STXBP5L: variants seen among roughly 807,000 people sequenced by gnomAD.
STXBP5L encodes syntaxin-binding protein 5-like.
In STXBP5L, 65 loss-of-function variants were observed where a neutral mutation model predicts 144.5. The ratio of observed to expected loss-of-function variants is 0.45; its 90% confidence interval spans 0.37 to 0.55. The LOEUF is 0.55. Ranked by LOEUF, STXBP5L falls within the 20% of genes least tolerant of loss-of-function variation. STXBP5L has a pLI of 0.00. For missense variants in STXBP5L, 1,298 were observed against 1,405.5 expected, an observed-to-expected ratio of 0.92 and a Z score of 1.22; for synonymous variants, 505 against 469.6, an observed-to-expected ratio of 1.08 and a Z score of -0.97.
chr3:121,174,989 T>C (rs1237598194), intron 9 of STXBP5L, among the ~76,000 whole-genome samples: 7 of 152,070 alleles, frequency 4.6e-5, no homozygotes. Context: ...AAGGAATATA[T>C]GCCAGGCCTG....
intron 18 of STXBP5L, among the ~76,000 whole-genome samples, chr3:121,276,881 G>A (rs2050902559): frequency 6.6e-6 from 1 of 151,314 alleles, no homozygotes; most frequent in African/African-American, 2.4e-5. Context: ...GCTTATTACT[G>A]TCTTCAAATT....
At chr3:121,393,626 G>C (rs1404851438) in intron 22 of STXBP5L, among the ~76,000 whole-genome samples, 1 of 151,910 alleles carries the variant, frequency 6.6e-6, no homozygotes, top group African/African-American at 2.4e-5. Flanking sequence ...AGAGATATGG[G>C]TCCAGTTTTA....
chr3:121,296,670 T>C (rs758700560), intron 19 of STXBP5L, among the ~76,000 whole-genome samples: 1 of 152,138 alleles, frequency 6.6e-6, no homozygotes, highest in Non-Finnish European at 1.5e-5. Flanking sequence ...GACCTGGGTA[T>C]AGGTGGGGGA....
intron 3 of STXBP5L, among the ~76,000 whole-genome samples, chr3:120,988,118 T>G (rs1942481722): frequency 6.6e-6 from 1 of 151,784 alleles, no homozygotes; most frequent in Non-Finnish European, 1.5e-5. Context: ...TTTCTCTTTT[T>G]TTTTTCCTGT....
At chr3:121,151,177 CAT>C (rs1023967823) in intron 7 of STXBP5L, among the ~76,000 whole-genome samples, 1 of 151,786 alleles carries the variant, frequency 6.6e-6, no homozygotes, top group Non-Finnish European at 1.5e-5. Context: ...GAAGTTAAAA[CAT>C]ATCTTAGTAC....
chr3:121,373,846 C>T (rs537618857), intron 20 of STXBP5L, among the ~76,000 whole-genome samples: 106 of 152,310 alleles, frequency 7.0e-4, no homozygotes, highest in African/African-American at 2.4e-3. Flanking sequence ...AGTCTCTGTG[C>T]ACTCCACTCA....
At chr3:120,943,861 T>C (rs962450315) in intron 2 of STXBP5L, among the ~76,000 whole-genome samples, 3 of 151,398 alleles carry the variant, frequency 2.0e-5, no homozygotes, top group Non-Finnish European at 3.0e-5. Context: ...TAGTATCTTA[T>C]ATAGTTTATT....
chr3:120,938,699 A>T (rs1559889104), intron 2 of STXBP5L, among the ~76,000 whole-genome samples: 1 of 152,222 alleles, frequency 6.6e-6, no homozygotes, highest in Non-Finnish European at 1.5e-5. Flanking sequence ...CTGAAATGCT[A>T]TATAGCTCTC....
chr3:120,986,916 C>T (rs80028304), intron 3 of STXBP5L, among the ~76,000 whole-genome samples: 15,085 of 151,826 alleles, frequency 0.099, 1,183 homozygotes, highest in Admixed American at 0.2. Context: ...AAAGGTGGAA[C>T]ATAAGTGAAT....
chr3:121,067,816 T>G (rs569183299), intron 5 of STXBP5L, among the ~76,000 whole-genome samples: 3 of 152,226 alleles, frequency 2.0e-5, no homozygotes, highest in Non-Finnish European at 4.4e-5. Context: ...TGTATATGTA[T>G]TTATTACTTT....
At chr3:120,916,708 G>C (rs1301572222) in intron 2 of STXBP5L, among the ~76,000 whole-genome samples, 1 of 152,120 alleles carries the variant, frequency 6.6e-6, no homozygotes, top group Non-Finnish European at 1.5e-5. Context: ...CATTTTGGTG[G>C]TTTTAGATGC....
chr3:121,322,233 C>T (rs1029576907), intron 20 of STXBP5L, among the ~76,000 whole-genome samples: 1 of 152,152 alleles, frequency 6.6e-6, no homozygotes, highest in Non-Finnish European at 1.5e-5. Context: ...AATCTCAGCA[C>T]TTTGGGAGGC....
At chr3:121,348,286 C>A (rs527770025) in intron 20 of STXBP5L, among the ~76,000 whole-genome samples, 1 of 152,238 alleles carries the variant, frequency 6.6e-6, no homozygotes, top group East Asian at 1.9e-4. Flanking sequence ...TTGAACCAGC[C>A]TTGCGTCCCA....
At chr3:121,034,904 A>C (rs1429273733) in intron 3 of STXBP5L, among the ~76,000 whole-genome samples, 1 of 152,106 alleles carries the variant, frequency 6.6e-6, no homozygotes, top group Admixed American at 6.6e-5. Context: ...ACTTTCTAAT[A>C]ATAGTCATTC....
intron 20 of STXBP5L, among the ~76,000 whole-genome samples, chr3:121,321,762 T>A (rs183205569): frequency 3.3e-5 from 5 of 152,334 alleles, no homozygotes; most frequent in Non-Finnish European, 5.9e-5. Flanking sequence ...AAAAGATTGA[T>A]GCAAATGTCT....
chr3:121,285,192 T>G (rs1405109034), intron 19 of STXBP5L, among the ~76,000 whole-genome samples: 3 of 152,036 alleles, frequency 2.0e-5, no homozygotes, highest in Non-Finnish European at 4.4e-5. Context: ...GACTCAGTGT[T>G]ATATTATCCA....
rs141242128 is a variant in STXBP5L, at chr3:121,241,126, G to A, written c.1400+619G>A. 2.0e-5 allele frequency among the ~76,000 whole-genome samples: 3 copies of A among 152,164 alleles called. No individual in the cohort carries two copies. In the East Asian group the frequency reaches 5.8e-4, roughly 29 times the overall value. ...GACTGGGAAATGTGAAGACGCATCAGACCAAGTAGGACCCCTAAGTCTTAG... is the reference window on the plus strand; with the variant it reads ...GACTGGGAAATGTGAAGACGCATCAAACCAAGTAGGACCCCTAAGTCTTAG... On this transcript the variant is annotated intron_variant, in intron 14 of 26. Coordinates refer to ENST00000471454, the MANE Select transcript of STXBP5L (RefSeq NM_001308330.2).
At chr3:121,240,859 A>G (rs2049642745) in intron 14 of STXBP5L, among the ~76,000 whole-genome samples, 1 of 152,198 alleles carries the variant, frequency 6.6e-6, no homozygotes, top group Non-Finnish European at 1.5e-5. Context: ...TATCTGTACG[A>G]GATGGTTATT....
intron 8 of STXBP5L, among the ~76,000 whole-genome samples, chr3:121,156,766 AAGAC>A (rs1241101522): frequency 3.3e-5 from 5 of 152,058 alleles, no homozygotes; most frequent in East Asian, 1.9e-4. Flanking sequence ...TACAAATAAA[AAGAC>A]AGTATAGTAT....
Sources: allele counts gnomAD v4.1 joint callset (sites outside exome capture counted in the v4.1 genomes callset), GRCh38; gene constraint gnomAD v4.1.1; transcripts MANE v1.5; gene names NCBI Gene and HGNC (gene_info 2026-07-23, HGNC 2026-07-21).